Variants in MRPS34 observed in about 807,000 individuals in gnomAD.
MRPS34 encodes the protein mitochondrial ribosomal protein S34.
A neutral mutation model predicts 13.3 loss-of-function variants in MRPS34; 12 were observed. The observed-to-expected ratio is 0.90, with a 90% confidence interval of 0.58 to 1.46. The LOEUF (loss-of-function observed/expected upper bound fraction) is 1.46, where lower values mean the gene tolerates loss of function less well. Ranked by LOEUF, MRPS34 falls within the 40% of genes most tolerant of loss-of-function variation. The probability of loss-of-function intolerance (pLI) is 0.00; values close to 1 mark genes in which losing one functional copy is unlikely to be tolerated. For missense variants in MRPS34, 419 were observed against 335.3 expected, an observed-to-expected ratio of 1.25 and a Z score of -1.95; for synonymous variants, 181 against 149.3, an observed-to-expected ratio of 1.21 and a Z score of -1.55.
In MRPS34 at chr16:1,772,272, ATCCCAGGG is replaced by A. The variant is rs769077673; in HGVS notation, c.598_605del (p.Pro200LeufsTer36). ...CTTTGTCTTCCTGTTTTGCAGGGTA[ATCCCAGGG>A]TTCCATGCGTATCCTCTGCACATTC... On this transcript the variant is annotated frameshift_variant, in exon 3 of 3. Coordinates refer to ENST00000397375, the MANE Select transcript of MRPS34 (RefSeq NM_023936.2). LOFTEE classifies it high-confidence loss of function. 40 of 1,612,480 alleles carry A rather than the reference ATCCCAGGG, an allele frequency of 2.5e-5. No homozygotes were observed. Among genetic ancestry groups the A allele is most frequent in the Non-Finnish European group, 3.2e-5 (38 of 1,179,920 alleles).
Position 1,772,665 on chromosome 16 carries a change from G to T in MRPS34, c.322-19C>A. 1 of 1,601,270 alleles carries T rather than the reference G, an allele frequency of 6.2e-7. No homozygotes were observed. On this transcript the variant is annotated intron_variant, in intron 1 of 2. Transcript: ENST00000397375. ...CCAAGTTCTGCAAAGCCAGAAGGAA[G>T]CGGGGTCAGCTCGCAAAGCTCTCGG...
Position 1,772,275 on chromosome 16 carries a change from C to G in MRPS34, c.603G>C (p.Trp201Cys), listed in dbSNP as rs1485140421. The G allele has an allele frequency of 6.2e-7, 1 of 1,612,450 alleles. No homozygotes were observed. The highest frequency in any genetic ancestry group is 2.2e-5 in the East Asian group (1 of 44,884). Residue 201 changes from tryptophan (W) to cysteine (C), a missense_variant, in exon 3 of 3, where the codon TGG becomes TGC. Transcript: ENST00000397375. The stretch of plus-strand genomic sequence containing the variant: ...TGTCTTCCTGTTTTGCAGGGTAATC[C>G]CAGGGTTCCATGCGTATCCTCTGCA... The part of the protein sequence containing the change: ...LNVQRIRMEP[W>C]DYPAKQEDKG...
chr16:1,772,864 G>C lies in MRPS34; in HGVS notation c.256C>G (p.Leu86Val), dbSNP rs758051458. 16 of 1,452,362 alleles carry C rather than the reference G, an allele frequency of 1.1e-5. No individual in the cohort carries two copies. Among genetic ancestry groups the C allele is most frequent in the Non-Finnish European group, 1.8e-6 (2 of 1,109,064 alleles). 90.0% of individuals were successfully genotyped at this position (1,452,362 alleles called of 1,614,324 possible). A position where few individuals can be genotyped will look rare whatever the true frequency, so the allele number is the denominator to read the frequency against. Residue 86 changes from leucine (L) to valine (V), a missense_variant, in exon 1 of 3, where the codon CTG becomes GTG. Coordinates refer to ENST00000397375, the MANE Select transcript of MRPS34 (RefSeq NM_023936.2). Reference sequence around the variant, plus strand: ...TAGCACGGCTCGTCGTGCTGCCACAGCCAGGACTTGCGCGTGACCAGGCGG... The same window carrying C: ...TAGCACGGCTCGTCGTGCTGCCACACCCAGGACTTGCGCGTGACCAGGCGG... The part of the protein sequence containing the change: ...LGRLVTRKSW[L>V]WQHDEPCYWR...
chr16:1,772,578 C>G (rs1596843221), intron 2 of MRPS34, 26 bp downstream of exon 2: 4 of 1,612,362 alleles, frequency 2.5e-6, no homozygotes, highest in Non-Finnish European at 3.4e-6. Flanking sequence ...ATCGAACTGC[C>G]GGGCACCCGC....
In MRPS34 at chr16:1,772,047, G is replaced by A; in HGVS notation, c.*174C>T. On this transcript the variant is annotated 3_prime_UTR_variant, in exon 3 of 3. Coordinates refer to ENST00000397375, the MANE Select transcript of MRPS34 (RefSeq NM_023936.2). ...GCAGCAGGGCCAGAGGAAAGGCACA[G>A]GTGGCGATTTGCCCCAGCCCTCCCC... 3 of 699,260 alleles carry A rather than the reference G, an allele frequency of 4.3e-6. No individual in the cohort carries two copies. Among genetic ancestry groups the A allele is most frequent in the Non-Finnish European group, 7.2e-6 (3 of 416,182 alleles). The allele number at this position is 699,260 out of a possible 1,614,324, so 43.3% of individuals were successfully genotyped here. A position where few individuals can be genotyped will look rare whatever the true frequency, so the allele number is the denominator to read the frequency against.
rs990190809 is a variant in MRPS34 at position 1,772,974 on chromosome 16, C to T, written c.146G>A (p.Arg49Gln). 1 of 1,447,710 alleles carries T rather than the reference C, an allele frequency of 6.9e-7. No individual in the cohort carries two copies. The highest frequency in any genetic ancestry group is 9.1e-7 in the Non-Finnish European group (1 of 1,102,724). 89.7% of individuals were successfully genotyped at this position (1,447,710 alleles called of 1,614,324 possible). A position where few individuals can be genotyped will look rare whatever the true frequency, so the allele number is the denominator to read the frequency against. Reference sequence around the variant, plus strand: ...GTCGGCCCAGGCCCGGACCGGCAGCCGGCGTCCAGAGAACGGCCGCGTCAA... The same window carrying T: ...GTCGGCCCAGGCCCGGACCGGCAGCTGGCGTCCAGAGAACGGCCGCGTCAA... ...ETLTRPFSGR[R>Q]LPVRAWADVR... is the part of the protein sequence containing the mutation. The change falls in exon 1 of 3, where the codon CGG becomes CAG. Residue 49 changes from arginine to glutamine, a missense_variant. Coordinates refer to ENST00000397375, the MANE Select transcript of MRPS34 (RefSeq NM_023936.2).
Position 1,772,134 on chromosome 16 carries a change from C to CT in MRPS34, c.*86dup, listed in dbSNP as rs1483927863. 7.4e-7 allele frequency: 1 copy of CT among 1,360,256 alleles called. No homozygotes were observed. The allele number at this position is 1,360,256 out of a possible 1,614,324, so 84.3% of individuals were successfully genotyped here. ...TGAGCTCCCTGCTCCGAGAGGCAGA[C>CT]TCGGGTGTAACGCAAAGACGGTTTC... On this transcript the variant is annotated 3_prime_UTR_variant, in exon 3 of 3. Transcript: ENST00000397375.
rs144165022 is a variant in MRPS34 at position 1,772,365 on chromosome 16, C to T, written c.513G>A (p.Arg171=). 91 of 1,612,980 alleles carry T rather than the reference C, an allele frequency of 5.6e-5. No individual in the cohort carries two copies. In the African/African-American group the frequency reaches 1.1e-3, roughly 20 times the overall value. The change falls in exon 3 of 3, where the codon CGG becomes CGA. Residue 171 remains arginine (R), a synonymous_variant. Transcript: ENST00000397375. ...TCTGTCGTTCTGCGATAATCATGGC[C>T]CGGAGGAGAGGCGGGTACGGCACGG... is the stretch of plus-strand genomic sequence containing the variant. ...LASVPYPPLL[R]AMIIAERQKN...
At position 1,772,095 on chromosome 16, in the gene MRPS34, C is replaced by A. The variant is rs116975104; in HGVS notation, c.*126G>T. On this transcript the variant is annotated 3_prime_UTR_variant, in exon 3 of 3. Coordinates refer to ENST00000397375, the MANE Select transcript of MRPS34 (RefSeq NM_023936.2). ...CCCCCTAAGATGCAGACCCTCAGAA[C>A]ACGTCGCGGAAGGTGAGCTCCCTGC... is the stretch of plus-strand genomic sequence containing the variant. 4.0e-6 allele frequency: 4 copies of A among 1,001,160 alleles called. No homozygotes were observed. Among genetic ancestry groups the A allele is most frequent in the Non-Finnish European group, 5.9e-6 (4 of 674,812 alleles). 62.0% of individuals were successfully genotyped at this position (1,001,160 alleles called of 1,614,324 possible).
chr16:1,772,737 G>T, intron 1 of MRPS34, 62 bp downstream of exon 1: 1 of 1,548,050 alleles, frequency 6.5e-7, no homozygotes, highest in African/African-American at 1.3e-5. Flanking sequence ...AACCTGCAGG[G>T]AGGAGGGGAG....
intron 1 of MRPS34, 56 bp downstream of exon 1, chr16:1,772,743 G>T: frequency 6.5e-7 from 1 of 1,538,826 alleles, no homozygotes; most frequent in Non-Finnish European, 8.7e-7. Context: ...CAGGGAGGAG[G>T]GGAGGCGGGG....
chr16:1,772,698 G>A, intron 1 of MRPS34, 52 bp from the exon 2 acceptor site: 1 of 1,583,508 alleles, frequency 6.3e-7, no homozygotes, highest in East Asian at 2.3e-5. Context: ...CGGCCCCCGA[G>A]GTCAGGAGGT....
rs1012367367 is a variant in MRPS34, at chr16:1,772,522, GAA to G, written c.365-11_365-10del. 5 of 1,610,694 alleles carry G rather than the reference GAA, an allele frequency of 3.1e-6. No homozygotes were observed. The highest frequency in any genetic ancestry group is 4.2e-6 in the Non-Finnish European group (5 of 1,178,476). On this transcript the variant is annotated splice_polypyrimidine_tract_variant and intron_variant, in intron 2 of 2. Coordinates refer to ENST00000397375, the MANE Select transcript of MRPS34 (RefSeq NM_023936.2). Reference sequence around the variant, plus strand: ...CTCGCTCTCAGTCTTCCCTGATGAAGAAAAAGAGGCGTCTGCACACACTTGCT... The same window carrying G: ...CTCGCTCTCAGTCTTCCCTGATGAAGAAAGAGGCGTCTGCACACACTTGCT...
chr16:1,772,585 C>T lies in MRPS34; in HGVS notation c.364+19G>A, dbSNP rs757360108. On this transcript the variant is annotated intron_variant, in intron 2 of 2. Coordinates refer to ENST00000397375, the MANE Select transcript of MRPS34 (RefSeq NM_023936.2). Reference sequence around the variant, plus strand: ...CGGTCGGCATCGAACTGCCGGGCACCCGCTCTCCCGAGCCTTACCTTTGAA... The same window carrying T: ...CGGTCGGCATCGAACTGCCGGGCACTCGCTCTCCCGAGCCTTACCTTTGAA... 3.7e-6 allele frequency: 6 copies of T among 1,612,194 alleles called. No homozygotes were observed. Among genetic ancestry groups the T allele is most frequent in the Non-Finnish European group, 4.2e-6 (5 of 1,179,902 alleles).
Position 1,772,656 on chromosome 16 carries a change from C to T in MRPS34, c.322-10G>A, listed in dbSNP as rs563189672. 2.1e-5 allele frequency: 34 copies of T among 1,604,034 alleles called. No individual in the cohort carries two copies. In the Admixed American group the frequency reaches 4.7e-4, roughly 22 times the overall value. ...TCCCGTGGTCCAAGTTCTGCAAAGCCAGAAGGAAGCGGGGTCAGCTCGCAA... is the reference window on the plus strand; with the variant it reads ...TCCCGTGGTCCAAGTTCTGCAAAGCTAGAAGGAAGCGGGGTCAGCTCGCAA... On this transcript the variant is annotated splice_polypyrimidine_tract_variant and intron_variant, in intron 1 of 2. Coordinates refer to ENST00000397375, the MANE Select transcript of MRPS34 (RefSeq NM_023936.2).
At position 1,772,101 on chromosome 16, in the gene MRPS34, G is replaced by C. The variant is rs928097461; in HGVS notation, c.*120C>G. 5 of 1,051,222 alleles carry C rather than the reference G, an allele frequency of 4.8e-6. No individual in the cohort carries two copies. Among genetic ancestry groups the C allele is most frequent in the Non-Finnish European group, 6.9e-6 (5 of 719,648 alleles). The allele number at this position is 1,051,222 out of a possible 1,614,324, so 65.1% of individuals were successfully genotyped here. ...AAGATGCAGACCCTCAGAACACGTC[G>C]CGGAAGGTGAGCTCCCTGCTCCGAG... On this transcript the variant is annotated 3_prime_UTR_variant, in exon 3 of 3. Transcript: ENST00000397375.
Position 1,772,854 on chromosome 16 carries a change from T to C in MRPS34, c.266A>G (p.His89Arg). 1 of 1,444,514 alleles carries C rather than the reference T, an allele frequency of 6.9e-7. No homozygotes were observed. The highest frequency in any genetic ancestry group is 9.1e-7 in the Non-Finnish European group (1 of 1,103,738). The allele number at this position is 1,444,514 out of a possible 1,614,324, so 89.5% of individuals were successfully genotyped here. A position where few individuals can be genotyped will look rare whatever the true frequency, so the allele number is the denominator to read the frequency against. ...GAGGCGCCAGTAGCACGGCTCGTCG[T>C]GCTGCCACAGCCAGGACTTGCGCGT... ...LVTRKSWLWQHDEPCYWRLTR... is the reference protein window; with the variant it reads ...LVTRKSWLWQRDEPCYWRLTR... The change falls in exon 1 of 3, where the codon CAC becomes CGC. Residue 89 changes from histidine to arginine, a missense_variant. Physicochemically the swap from His to Arg is conservative, Grantham distance 29 (BLOSUM62 0). Transcript: ENST00000397375.
In MRPS34 at chr16:1,772,333, C is replaced by T. The variant is rs757813305; in HGVS notation, c.545G>A (p.Gly182Glu). 6.2e-7 allele frequency: 1 copy of T among 1,613,044 alleles called. No individual in the cohort carries two copies. Among genetic ancestry groups the T allele is most frequent in the Non-Finnish European group, 8.5e-7 (1 of 1,179,996 alleles). ...AMIIAERQKN[G>E]DTSTEEPMLN... The stretch of plus-strand genomic sequence containing the variant: ...CATGGGCTCCTCGGTGCTTGTGTCT[C>T]CATTTTTCTGTCGTTCTGCGATAAT... The change falls in exon 3 of 3, where the codon GGA becomes GAA. Residue 182 changes from glycine (G) to glutamate (E), a missense_variant. Coordinates refer to ENST00000397375, the MANE Select transcript of MRPS34 (RefSeq NM_023936.2).
In MRPS34 at chr16:1,772,662, G is replaced by A. The variant is rs866898219; in HGVS notation, c.322-16C>T. ...GGTCCAAGTTCTGCAAAGCCAGAAG[G>A]AAGCGGGGTCAGCTCGCAAAGCTCT... On this transcript the variant is annotated splice_polypyrimidine_tract_variant and intron_variant, in intron 1 of 2. Transcript: ENST00000397375. 1.9e-6 allele frequency: 3 copies of A among 1,602,652 alleles called. No homozygotes were observed. Among genetic ancestry groups the A allele is most frequent in the Middle Eastern group, 3.4e-4 (2 of 5,934 alleles).
Sources: gnomAD v4.1 joint callset for allele counts on GRCh38, gnomAD v4.1.1 for gene constraint, MANE v1.5 for transcripts, NCBI Gene and HGNC (gene_info 2026-07-23, HGNC 2026-07-21) for gene names.